Variants in DENND4C observed in about 807,000 individuals in gnomAD.
DENND4C encodes the protein DENN domain containing 4C, also known as DENN domain-containing protein 4C.
A neutral mutation model predicts 203.0 loss-of-function variants in DENND4C; 108 were observed. The observed-to-expected ratio is 0.53, with a 90% CI of 0.46 to 0.62. DENND4C has a LOEUF of 0.62. DENND4C is among the 20% of genes least tolerant of loss of function. DENND4C has a pLI of 0.00. For synonymous variants in DENND4C, 871 were observed against 792.4 expected (o/e 1.10, Z -1.67); for missense variants, 2,481 against 2,301.2 (o/e 1.08, Z -1.60).
In DENND4C at chr9:19,373,326, ATGAAATTAAATCAGCTGCCTAAT is replaced by A. The variant is rs1401228265; in HGVS notation, c.*1154_*1176del. 1 of 152,596 alleles carries A rather than the reference ATGAAATTAAATCAGCTGCCTAAT, an allele frequency of 6.6e-6. No individual in the cohort carries two copies. Among genetic ancestry groups the A allele is most frequent in the Admixed American group, 6.5e-5 (1 of 15,288 alleles). 9.5% of individuals were successfully genotyped at this position (152,596 alleles called of 1,614,324 possible). On this transcript the variant is annotated 3_prime_UTR_variant, in exon 33 of 33. Coordinates refer to ENST00000434457, the MANE Select transcript of DENND4C (RefSeq NM_001330640.2). ...ATGAATCAATCATCAGATAGTTAAAATGAAATTAAATCAGCTGCCTAATAATTTATGGAATTCATTGGAATGTG... is the reference window on the plus strand; with the variant it reads ...ATGAATCAATCATCAGATAGTTAAAAAATTTATGGAATTCATTGGAATGTG...
chr9:19,330,372 C>G (rs145481511), intron 16 of DENND4C, among the ~76,000 whole-genome samples: 1,558 of 131,996 alleles, frequency 0.012, 26 homozygotes, highest in African/African-American at 0.04. Context: ...TGGAGTCTCA[C>G]TCTGTCATCC....
At chr9:19,268,973 C>A (rs1056825468) in intron 1 of DENND4C, among the ~76,000 whole-genome samples, 1 of 152,048 alleles carries the variant, frequency 6.6e-6, no homozygotes, top group African/African-American at 2.4e-5. Flanking sequence ...TGATATCTTT[C>A]TCTATGTTTG....
At chr9:19,245,923 C>T (rs547556834) in intron 1 of DENND4C, among the ~76,000 whole-genome samples, 3 of 150,672 alleles carry the variant, frequency 2.0e-5, no homozygotes, top group Admixed American at 1.3e-4. Context: ...AACTCACATA[C>T]TCCAGTACCC....
At chr9:19,234,751 C>T (rs556625386) in intron 1 of DENND4C, among the ~76,000 whole-genome samples, 1 of 151,998 alleles carries the variant, frequency 6.6e-6, no homozygotes, top group East Asian at 1.9e-4. Flanking sequence ...CCATATTGCC[C>T]AGGCTGGTCT....
chr9:19,246,179 C>G (rs938079778), intron 1 of DENND4C, among the ~76,000 whole-genome samples: 1 of 152,162 alleles, frequency 6.6e-6, no homozygotes, highest in Non-Finnish European at 1.5e-5. Context: ...TCTTGTTCTT[C>G]TCTTCCTTCA....
intron 2 of DENND4C, among the ~76,000 whole-genome samples, chr9:19,281,207 G>A (rs1274672373): frequency 1.3e-5 from 2 of 151,532 alleles, no homozygotes; most frequent in Admixed American, 1.3e-4. Flanking sequence ...ATTGCAAGTG[G>A]CTTTTTCATA....
At chr9:19,273,244 C>A (rs1832143653) in intron 1 of DENND4C, among the ~76,000 whole-genome samples, 1 of 151,924 alleles carries the variant, frequency 6.6e-6, no homozygotes, top group Non-Finnish European at 1.5e-5. Context: ...AGCCACTGCG[C>A]CTGGCAATTT....
At chr9:19,300,464 C>A in intron 9 of DENND4C, 133 bp downstream of exon 9, 1 of 838,408 alleles carries the variant, frequency 1.2e-6, no homozygotes, top group Non-Finnish European at 1.6e-6. Context: ...AATTTCCAGC[C>A]CAGTAAAAGT....
At chr9:19,255,915 A>T (rs557822081) in intron 1 of DENND4C, among the ~76,000 whole-genome samples, 2 of 151,804 alleles carry the variant, frequency 1.3e-5, no homozygotes. Flanking sequence ...ACATTCTGCT[A>T]AAGTGCACAT....
intron 1 of DENND4C, among the ~76,000 whole-genome samples, chr9:19,237,962 A>C (rs1822444926): frequency 6.6e-6 from 1 of 152,132 alleles, no homozygotes; most frequent in African/African-American, 2.4e-5. Context: ...CTAACAGCTT[A>C]AATTTATTTT....
chr9:19,275,931 T>A (rs1832824012), intron 1 of DENND4C, among the ~76,000 whole-genome samples: 1 of 152,126 alleles, frequency 6.6e-6, no homozygotes, highest in African/African-American at 2.4e-5. Flanking sequence ...CTTAATAGAA[T>A]ATGAGAAGAT....
intron 1 of DENND4C, among the ~76,000 whole-genome samples, chr9:19,238,233 C>T (rs149946659): frequency 6.6e-6 from 1 of 151,842 alleles, no homozygotes; most frequent in African/African-American, 2.4e-5. Context: ...CAGGCATGCA[C>T]CACCATGCCC....
chr9:19,333,447 G>A (rs1819734063), intron 17 of DENND4C, among the ~76,000 whole-genome samples: 1 of 152,108 alleles, frequency 6.6e-6, no homozygotes, highest in South Asian at 2.1e-4. Flanking sequence ...TGTGTAGGAT[G>A]TTTAGTAGCA....
In DENND4C at chr9:19,316,484, A is replaced by G. The variant is rs754845130; in HGVS notation, c.1555A>G (p.Thr519Ala). 1 of 1,613,840 alleles carries G rather than the reference A, an allele frequency of 6.2e-7. No homozygotes were observed. Among genetic ancestry groups the G allele is most frequent in the South Asian group, 1.1e-5 (1 of 90,960 alleles). The change falls in exon 11 of 33, where the codon ACC (threonine) becomes GCC (alanine). Residue 519 changes from threonine (T) to alanine (A), a missense_variant. By Grantham distance (58) the Thr-to-Ala change is moderately conservative. Transcript: ENST00000434457. ...PKKPCKNLLS[T>A]LKKLYPQLSS... ...AAAGCCGTGCAAAAATCTACTTAGC[A>G]CCTTAAAGAAATTGTATCCCCAGCT...
chr9:19,296,289 A>G (rs1027666938), intron 6 of DENND4C, 43 bp downstream of exon 6: 1 of 1,264,122 alleles, frequency 7.9e-7, no homozygotes, highest in Non-Finnish European at 1.1e-6. Context: ...AAAACTGGGT[A>G]TATAAATATA....
Position 19,256,540 on chromosome 9 carries a change from C to T in DENND4C, c.-17-19618C>T, listed in dbSNP as rs1338334338. On this transcript the variant is annotated intron_variant, in intron 1 of 32. Transcript: ENST00000434457. ...GTGTTGGTTAGGCTGGTCACGAGCT[C>T]CCAACCTCAGGTGATCTGCCCGCCT... is the stretch of plus-strand genomic sequence containing the variant. Among the ~76,000 whole-genome samples the T allele has an allele frequency of 4.0e-5, 6 of 151,548 alleles. No individual in the cohort carries two copies. In the East Asian group the frequency reaches 9.7e-4, roughly 25 times the overall value.
At chr9:19,265,459 T>C (rs1830300483) in intron 1 of DENND4C, among the ~76,000 whole-genome samples, 1 of 150,742 alleles carries the variant, frequency 6.6e-6, no homozygotes, top group East Asian at 1.9e-4. Context: ...TTTATTTATT[T>C]ATTTTTTATT....
rs142959890 is a variant in DENND4C at position 19,315,791 on chromosome 9, C to T, written c.1488-626C>T. ...CGCAATCTCGGCTCACTGCAACCTCCGCCTCCTGGGTTCAAGTGATTCTTC... is the reference window on the plus strand; with the variant it reads ...CGCAATCTCGGCTCACTGCAACCTCTGCCTCCTGGGTTCAAGTGATTCTTC... On this transcript the variant is annotated intron_variant, in intron 10 of 32. Coordinates refer to ENST00000434457, the MANE Select transcript of DENND4C (RefSeq NM_001330640.2). Among the ~76,000 whole-genome samples, 1,102 of 151,532 alleles carry T rather than the reference C, an allele frequency of 7.3e-3. 17 individuals are homozygous for T. Among genetic ancestry groups the T allele is most frequent in the African/African-American group, 0.026 (1,065 of 41,310 alleles).
At chr9:19,312,373 G>A (rs557560608) in intron 10 of DENND4C, among the ~76,000 whole-genome samples, 72 of 152,116 alleles carry the variant, frequency 4.7e-4, no homozygotes, top group Non-Finnish European at 9.0e-4. Context: ...AAAGTGCTGG[G>A]ATTAAAGGTG....
Sources: gnomAD v4.1 joint callset for allele counts (sites outside exome capture counted in the v4.1 genomes callset) on GRCh38, gnomAD v4.1.1 for gene constraint, MANE v1.5 for transcripts, NCBI Gene and HGNC (gene_info 2026-07-23, HGNC 2026-07-21) for gene names.